Variants in NEU1 observed in about 807,000 individuals in gnomAD.
NEU1 encodes the protein neuraminidase 1.
A neutral mutation model predicts 38.3 loss-of-function variants in NEU1; 32 were observed. The ratio of observed to expected loss-of-function variants is 0.84; its 90% CI spans 0.63 to 1.12. NEU1 has a LOEUF of 1.12. NEU1 is among the 50% of genes most tolerant of loss of function. NEU1 has a pLI of 0.00. For synonymous variants in NEU1, 192 were observed against 225.2 expected (o/e 0.85, Z 1.32); for missense variants, 431 against 549.2 (o/e 0.78, Z 2.15).
chr6:31,861,703 C>T (rs1440802869), intron 2 of NEU1: 1 of 624,662 alleles, frequency 1.6e-6, no homozygotes, highest in Admixed American at 2.9e-5. Context: ...AATTTAAATC[C>T]TGAGGGCAGA....
At chr6:31,859,967 G>T in intron 5 of NEU1, 22 bp from the exon 6 acceptor site, 1 of 1,612,854 alleles carries the variant, frequency 6.2e-7, no homozygotes, top group Non-Finnish European at 8.5e-7. Context: ...AGGAGAGTCA[G>T]GGAGAGAGGG....
Position 31,862,335 on chromosome 6 carries a change from G to A in NEU1, c.160-144C>T. ...GAACAAGAAAGAGGAACACGAAGGG[G>A]AGTTTGGAGCGAAGCTGGAGGCTCG... On this transcript the variant is annotated intron_variant, in intron 1 of 5. Coordinates refer to ENST00000375631, the MANE Select transcript of NEU1 (RefSeq NM_000434.4). This position sits in a 1 kb window ranked among gnomAD's most constrained non-coding sequence, Gnocchi z 6.3. 9.7e-7 allele frequency: 1 copy of A among 1,027,524 alleles called. No individual in the cohort carries two copies. The highest frequency in any genetic ancestry group is 1.5e-6 in the Non-Finnish European group (1 of 681,140). The allele number at this position is 1,027,524 out of a possible 1,614,324, so 63.7% of individuals were successfully genotyped here. A position where few individuals can be genotyped will look rare whatever the true frequency, so the allele number is the denominator to read the frequency against.
rs1261310944 is a variant in NEU1, at chr6:31,861,128, G to A, written c.615+60C>T. 1.9e-6 allele frequency: 3 copies of A among 1,607,706 alleles called. No individual in the cohort carries two copies. The African/African-American group carries it at 4.0e-5, about 22-fold the overall frequency. On this transcript the variant is annotated intron_variant, in intron 3 of 5. Coordinates refer to ENST00000375631, the MANE Select transcript of NEU1 (RefSeq NM_000434.4). The stretch of plus-strand genomic sequence containing the variant: ...TTCCCCTTGGAAAGGAGTCCATTTG[G>A]GGGTATCCCTCAGACTCTCCACAAG...
At position 31,862,057 on chromosome 6, in the gene NEU1, T is replaced by C. The variant is rs774518581; in HGVS notation, c.294A>G (p.Lys98=). 2.5e-6 allele frequency: 4 copies of C among 1,613,048 alleles called. No homozygotes were observed. Among genetic ancestry groups the C allele is most frequent in the South Asian group, 1.1e-5 (1 of 91,080 alleles). The part of the protein sequence containing the change: ...GTLLAFAEAR[K]MSSSDEGAKF... ...TGGCCCCCTCATCGGATGAGGACAT[T>C]TTCCTCGCCTCAGCAAAGGCGAGAA... Residue 98 remains lysine, a synonymous_variant, in exon 2 of 6, where the codon AAA becomes AAG. Transcript: ENST00000375631. The surrounding 1 kb of genome is among the most constrained non-coding windows in gnomAD (Gnocchi z 6.3).
chr6:31,862,741 G>A lies in NEU1; in HGVS notation c.36C>T (p.Asp12=). The A allele has an allele frequency of 6.2e-7, 1 of 1,612,974 alleles. No homozygotes were observed. Among genetic ancestry groups the A allele is most frequent in the Non-Finnish European group, 8.5e-7 (1 of 1,180,020 alleles). ...TGERPSTALP[D]RRWGPRILGF... is the part of the protein sequence containing the mutation. ...CCAGAATCCGCGGCCCCCAGCGTCT[G>A]TCCGGGAGCGCCGTGCTGGGTCGCT... Residue 12 remains aspartate (D), a synonymous_variant, in exon 1 of 6, where the codon GAC becomes GAT. Transcript: ENST00000375631. This position sits in a 1 kb window ranked among gnomAD's most constrained non-coding sequence, Gnocchi z 6.3.
In NEU1 at chr6:31,861,311, G is replaced by A. The variant is rs765498517; in HGVS notation, c.492C>T (p.Cys164=). The part of the protein sequence containing the change: ...FYSLCAHKAG[C]QVASTMLVWS... ...ATACCAACATGGTAGAGGCCACCTG[G>A]CAGCCGGCCTTGTGAGCACAAAGGG... Residue 164 remains cysteine, a synonymous_variant, in exon 3 of 6, where the codon TGC becomes TGT. Coordinates refer to ENST00000375631, the MANE Select transcript of NEU1 (RefSeq NM_000434.4). The A allele has an allele frequency of 6.2e-7, 1 of 1,612,994 alleles. No individual in the cohort carries two copies. Among genetic ancestry groups the A allele is most frequent in the South Asian group, 1.1e-5 (1 of 91,084 alleles).
In NEU1 at chr6:31,859,324, C is replaced by A; in HGVS notation, c.*395G>T. ...TATCCTGCCATCTGGGGACTTTCAC[C>A]AGCCCTGTCGGTTATCTTACCGCAA... On this transcript the variant is annotated 3_prime_UTR_variant, in exon 6 of 6. Coordinates refer to ENST00000375631, the MANE Select transcript of NEU1 (RefSeq NM_000434.4). 1 of 372,324 alleles carries A rather than the reference C, an allele frequency of 2.7e-6. No homozygotes were observed. The highest frequency in any genetic ancestry group is 5.1e-6 in the Non-Finnish European group (1 of 196,200). The allele number at this position is 372,324 out of a possible 1,614,324, so 23.1% of individuals were successfully genotyped here.
chr6:31,861,074 C>G, intron 3 of NEU1, 114 bp downstream of exon 3: 2 of 1,502,628 alleles, frequency 1.3e-6, no homozygotes, highest in Non-Finnish European at 9.1e-7. Flanking sequence ...GAATCCCACC[C>G]AAGCCAGAAA....
chr6:31,862,624 G>A lies in NEU1; in HGVS notation c.153C>T (p.Phe51=), dbSNP rs764031403. 1.8e-5 allele frequency: 29 copies of A among 1,612,986 alleles called. No individual in the cohort carries two copies. The highest frequency in any genetic ancestry group is 2.3e-5 in the Non-Finnish European group (27 of 1,180,038). The change falls in exon 1 of 6, where the codon TTC becomes TTT. Residue 51 remains phenylalanine, a synonymous_variant. Transcript: ENST00000375631. The surrounding 1 kb of genome is among the most constrained non-coding windows in gnomAD (Gnocchi z 6.3). Reference sequence around the variant, plus strand: ...TATGCAAAGGGTGACTCACCAGACCGAAGTCGTTCTCAGCCTTGGACCAGG... The same window carrying A: ...TATGCAAAGGGTGACTCACCAGACCAAAGTCGTTCTCAGCCTTGGACCAGG... ...AASWSKAEND[F]GLVQPLVTME... is the part of the protein sequence containing the mutation.
rs757575366 is a variant in NEU1, at chr6:31,860,293, G to A, written c.799-29C>T. 3.7e-6 allele frequency: 6 copies of A among 1,611,694 alleles called. No individual in the cohort carries two copies. In the South Asian group the frequency reaches 5.5e-5, roughly 15 times the overall value. ...AGGGGAGAGGACAGGACCTCAGGGA[G>A]GGAACAGGGAAAATGCCCTGTCCCC... is the stretch of plus-strand genomic sequence containing the variant. On this transcript the variant is annotated intron_variant, in intron 4 of 5. Transcript: ENST00000375631. This position sits in a 1 kb window ranked among gnomAD's most constrained non-coding sequence, Gnocchi z 4.8.
Position 31,859,284 on chromosome 6 carries a change from T to G in NEU1, c.*435A>C, listed in dbSNP as rs575570951. 1.5e-5 allele frequency: 5 copies of G among 334,460 alleles called. No homozygotes were observed. In the Admixed American group the frequency reaches 2.1e-4, roughly 14 times the overall value. The allele number at this position is 334,460 out of a possible 1,614,324, so 20.7% of individuals were successfully genotyped here. A position where few individuals can be genotyped will look rare whatever the true frequency, so the allele number is the denominator to read the frequency against. On this transcript the variant is annotated 3_prime_UTR_variant, in exon 6 of 6. Coordinates refer to ENST00000375631, the MANE Select transcript of NEU1 (RefSeq NM_000434.4). ...CAGTCATGGTGGTGCACCTAGTCCT[T>G]ACTCTGAAACCAAATATCCTGCCAT...
Position 31,860,225 on chromosome 6 carries a change from G to C in NEU1, c.838C>G (p.Arg280Gly), listed in dbSNP as rs945372017. Residue 280 changes from arginine to glycine, a missense_variant, in exon 5 of 6, where the codon CGA (arginine) becomes GGA (glycine). Coordinates refer to ENST00000375631, the MANE Select transcript of NEU1 (RefSeq NM_000434.4). This position sits in a 1 kb window ranked among gnomAD's most constrained non-coding sequence, Gnocchi z 4.8. ...TGGCAGTGGTAGTTGTTCTGGTTTC[G>C]GGCATTGATGACGACTGAGCCATCT... ...LPDGSVVINA[R>G]NQNNYHCHCR... 1.2e-6 allele frequency: 2 copies of C among 1,612,996 alleles called. No individual in the cohort carries two copies. The highest frequency in any genetic ancestry group is 2.2e-5 in the East Asian group (1 of 44,876).
intron 2 of NEU1, 105 bp from the exon 3 acceptor site, chr6:31,861,555 G>C: frequency 2.1e-6 from 3 of 1,436,528 alleles, no homozygotes; most frequent in Admixed American, 1.8e-5. Context: ...CAGGCCTTCC[G>C]ATGGTCCCAG....
Position 31,860,469 on chromosome 6 carries a change from C to T in NEU1, c.768G>A (p.Gln256=). Residue 256 remains glutamine (Q), a synonymous_variant, in exon 4 of 6, where the codon CAG becomes CAA. Transcript: ENST00000375631. The surrounding 1 kb of genome is among the most constrained non-coding windows in gnomAD (Gnocchi z 4.8). ...VSGIPYGQPK[Q]ENDFNPDECQ... ...ATTCATCAGGATTGAAATCATTTTCCTGCTTGGGCTGACCGTAGGGGATGC... is the reference window on the plus strand; with the variant it reads ...ATTCATCAGGATTGAAATCATTTTCTTGCTTGGGCTGACCGTAGGGGATGC... The T allele has an allele frequency of 6.2e-7, 1 of 1,614,040 alleles. No homozygotes were observed. Among genetic ancestry groups the T allele is most frequent in the Non-Finnish European group, 8.5e-7 (1 of 1,180,006 alleles).
At position 31,859,758 on chromosome 6, in the gene NEU1, GCTCT is replaced by G; in HGVS notation, c.1205_1208del (p.Glu402AlafsTer85). 1 of 1,613,036 alleles carries G rather than the reference GCTCT, an allele frequency of 6.2e-7. No homozygotes were observed. Among genetic ancestry groups the G allele is most frequent in the Non-Finnish European group, 8.5e-7 (1 of 1,180,040 alleles). ...AGACACTGATTTTGGCCACGGAGATGCTCTCTGTGTAGTGGTTCCGGCCTTTCTC... is the reference window on the plus strand; with the variant it reads ...AGACACTGATTTTGGCCACGGAGATGCTGTGTAGTGGTTCCGGCCTTTCTC... On this transcript the variant is annotated frameshift_variant, in exon 6 of 6. Transcript: ENST00000375631. LOFTEE classifies it high-confidence loss of function.
chr6:31,860,124 G>T lies in NEU1; in HGVS notation c.939C>A (p.Leu313=). Residue 313 remains leucine, a synonymous_variant, in exon 5 of 6, where the codon CTC becomes CTA. Transcript: ENST00000375631. This position sits in a 1 kb window ranked among gnomAD's most constrained non-coding sequence, Gnocchi z 4.8. ...RPRDVTFDPE[L]VDPVVAAGAV... ...CTCCTGCAGCTACCACAGGGTCCAC[G>T]AGCTCAGGGTCGAAGGTCACATCAC... The T allele has an allele frequency of 6.2e-7, 1 of 1,613,044 alleles. No homozygotes were observed. Among genetic ancestry groups the T allele is most frequent in the Non-Finnish European group, 8.5e-7 (1 of 1,180,022 alleles).
Position 31,862,320 on chromosome 6 carries a change from G to A in NEU1, c.160-129C>T. 1 of 1,088,684 alleles carries A rather than the reference G, an allele frequency of 9.2e-7. No individual in the cohort carries two copies. The highest frequency in any genetic ancestry group is 1.4e-6 in the Non-Finnish European group (1 of 732,424). 67.4% of individuals were successfully genotyped at this position (1,088,684 alleles called of 1,614,324 possible). A position where few individuals can be genotyped will look rare whatever the true frequency, so the allele number is the denominator to read the frequency against. ...GGGGATGGGGTCCCAGAACAAGAAA[G>A]AGGAACACGAAGGGGAGTTTGGAGC... On this transcript the variant is annotated intron_variant, in intron 1 of 5. Coordinates refer to ENST00000375631, the MANE Select transcript of NEU1 (RefSeq NM_000434.4). The surrounding 1 kb of genome is among the most constrained non-coding windows in gnomAD (Gnocchi z 6.3).
chr6:31,862,265 A>G lies in NEU1; in HGVS notation c.160-74T>C. The stretch of plus-strand genomic sequence containing the variant: ...TTTTAGGAACCCACGTTCCGATGGG[A>G]GAGGGAGGATCTAATGGGGATCCCG... On this transcript the variant is annotated intron_variant, in intron 1 of 5. Coordinates refer to ENST00000375631, the MANE Select transcript of NEU1 (RefSeq NM_000434.4). The surrounding 1 kb of genome is among the most constrained non-coding windows in gnomAD (Gnocchi z 6.3). 1 of 1,512,086 alleles carries G rather than the reference A, an allele frequency of 6.6e-7. No individual in the cohort carries two copies. Among genetic ancestry groups the G allele is most frequent in the South Asian group, 1.2e-5 (1 of 86,872 alleles). The allele number at this position is 1,512,086 out of a possible 1,614,324, so 93.7% of individuals were successfully genotyped here. A position where few individuals can be genotyped will look rare whatever the true frequency, so the allele number is the denominator to read the frequency against.
intron 3 of NEU1, 117 bp downstream of exon 3, chr6:31,861,071 A>T: frequency 1.3e-6 from 2 of 1,484,992 alleles, no homozygotes; most frequent in Admixed American, 3.5e-5. Context: ...AAGGAATCCC[A>T]CCCAAGCCAG....
Sources: gnomAD v4.1 joint callset for allele counts on GRCh38, gnomAD v4.1.1 for gene constraint, Gnocchi (gnomAD v3.1) non-coding constraint, MANE v1.5 for transcripts, NCBI Gene and HGNC (gene_info 2026-07-23, HGNC 2026-07-21) for gene names.